Variants in C5orf34 observed in about 807,000 individuals in gnomAD.
The protein encoded by C5orf34 is uncharacterized protein C5orf34.
C5orf34 carries 73 observed loss-of-function variants against 78.4 expected under a neutral mutation model. The ratio of observed to expected loss-of-function variants is 0.93; its 90% confidence interval spans 0.77 to 1.13. C5orf34 has a LOEUF of 1.13. Ranked by LOEUF, C5orf34 falls within the 50% of genes most tolerant of loss-of-function variation. The probability of loss-of-function intolerance (pLI) is 0.00; values close to 1 mark genes in which losing one functional copy is unlikely to be tolerated. For missense variants in C5orf34, 730 were observed against 732.7 expected, an observed-to-expected ratio of 1.00 and a Z score of 0.04; for synonymous variants, 251 against 246.6, an observed-to-expected ratio of 1.02 and a Z score of -0.17.
chr5:43,510,568 G>C (rs2112335752), intron 1 of C5orf34, among the ~76,000 whole-genome samples: 2 of 152,354 alleles, frequency 1.3e-5, no homozygotes, highest in Admixed American at 1.3e-4. Flanking sequence ...AGCCTGCCCA[G>C]TGCCTGTGAT....
In C5orf34 at chr5:43,508,660, G is replaced by T. The variant is rs752361897; in HGVS notation, c.202C>A (p.Leu68Ile). ...HFVISTYREQ[L>I]QRALDFRNSS... The stretch of plus-strand genomic sequence containing the variant: ...TTTCGAAAATCTAGGGCTCGCTGTA[G>T]TTGCTCCTATGAAAAGAAATATAAA... The change falls in exon 3 of 13, where the codon CTA (leucine) becomes ATA (isoleucine). Residue 68 changes from leucine (L) to isoleucine (I), a missense_variant. Coordinates refer to ENST00000306862, the MANE Select transcript of C5orf34 (RefSeq NM_198566.4). 1 of 1,586,922 alleles carries T rather than the reference G, an allele frequency of 6.3e-7. No homozygotes were observed.
At chr5:43,493,774 A>C (rs957236072) in intron 7 of C5orf34, among the ~76,000 whole-genome samples, 162 bp from the exon 8 acceptor site, 3 of 152,158 alleles carry the variant, frequency 2.0e-5, no homozygotes, top group African/African-American at 7.2e-5. Flanking sequence ...AGCCCCTAGA[A>C]GGGAAATACT....
chr5:43,503,522 C>T (rs1315332557), intron 5 of C5orf34, 143 bp downstream of exon 5: 2 of 719,346 alleles, frequency 2.8e-6, no homozygotes, highest in Non-Finnish European at 5.0e-6. Context: ...ACCTGTAAAA[C>T]TCAGGATCAA....
Position 43,494,519 on chromosome 5 carries a change from T to C in C5orf34, c.1235A>G (p.Gln412Arg), listed in dbSNP as rs781547965. ...SPFTVGSLIK[Q>R]ATRILQHCVK... ...AATGGGAAGAACTTACCTTGTTGCCTGTTTAATTAGAGAACCGACAGTGAA... is the reference window on the plus strand; with the variant it reads ...AATGGGAAGAACTTACCTTGTTGCCCGTTTAATTAGAGAACCGACAGTGAA... The change falls in exon 7 of 13, where the codon CAG becomes CGG. Residue 412 changes from glutamine to arginine, a missense_variant. Gln to Arg is a conservative substitution (Grantham distance 43). Transcript: ENST00000306862. 5 of 1,601,098 alleles carry C rather than the reference T, an allele frequency of 3.1e-6. No homozygotes were observed. Among genetic ancestry groups the C allele is most frequent in the Admixed American group, 1.7e-5 (1 of 59,790 alleles).
rs746311253 is a variant in C5orf34 at position 43,487,106 on chromosome 5, G to A, written c.1726C>T (p.Leu576=). 44 of 1,502,910 alleles carry A rather than the reference G, an allele frequency of 2.9e-5. No homozygotes were observed. Among genetic ancestry groups the A allele is most frequent in the Non-Finnish European group, 3.8e-5 (43 of 1,123,942 alleles). 93.1% of individuals were successfully genotyped at this position (1,502,910 alleles called of 1,614,324 possible). The change falls in exon 13 of 13, where the codon CTA becomes TTA. Residue 576 remains leucine, a synonymous_variant. Coordinates refer to ENST00000306862, the MANE Select transcript of C5orf34 (RefSeq NM_198566.4). The part of the protein sequence containing the change: ...LEKIQKFNLL[L]ENSGILNQIS... The stretch of plus-strand genomic sequence containing the variant: ...TGGTTTAGGATACCACTATTTTCTA[G>A]TAGCACTAAGTTGCTTAGTTAAGGA...
chr5:43,510,835 A>C (rs896523173), intron 1 of C5orf34, among the ~76,000 whole-genome samples: 2 of 151,594 alleles, frequency 1.3e-5, no homozygotes, highest in South Asian at 2.1e-4. Context: ...CCAAAGTGCC[A>C]AGATTGCAGC....
chr5:43,507,844 T>A (rs1192186831), intron 3 of C5orf34, among the ~76,000 whole-genome samples: 1 of 151,998 alleles, frequency 6.6e-6, no homozygotes, highest in Non-Finnish European at 1.5e-5. Flanking sequence ...TTTGGGAGGC[T>A]GAGGCGGGCG....
At chr5:43,505,228 T>C (rs946146885) in intron 4 of C5orf34, among the ~76,000 whole-genome samples, 2 of 152,248 alleles carry the variant, frequency 1.3e-5, no homozygotes, top group Non-Finnish European at 2.9e-5. Context: ...AGCCACTCCG[T>C]GTGTACCCCT....
intron 10 of C5orf34, among the ~76,000 whole-genome samples, chr5:43,491,726 G>A (rs927465233): frequency 3.9e-5 from 6 of 152,124 alleles, no homozygotes; most frequent in South Asian, 2.1e-4. Flanking sequence ...CCTGAAGGCC[G>A]GGCATGGTGG....
At chr5:43,492,687 T>C (rs1745331418) in intron 9 of C5orf34, 33 bp downstream of exon 9, 1 of 1,555,178 alleles carries the variant, frequency 6.4e-7, no homozygotes. Flanking sequence ...AGATTACCAA[T>C]AAAAAATAGA....
Position 43,492,727 on chromosome 5 carries a change from T to A in C5orf34, c.1478A>T (p.Lys493Met). The A allele has an allele frequency of 6.2e-7, 1 of 1,611,674 alleles. No homozygotes were observed. Among genetic ancestry groups the A allele is most frequent in the East Asian group, 2.2e-5 (1 of 44,736 alleles). Reference sequence around the variant, plus strand: ...AGTCTGAAGTATACCCACCTGTCTCTTCTCAATAGGAGAGCTGAAATTCCA... The same window carrying A: ...AGTCTGAAGTATACCCACCTGTCTCATCTCAATAGGAGAGCTGAAATTCCA... ...LNWNFSSPIE[K>M]RQVNQGLNLG... Residue 493 changes from lysine (K) to methionine (M), a missense_variant, in exon 9 of 13, where the codon AAG becomes ATG. By Grantham distance (95) the Lys-to-Met change is moderately conservative (BLOSUM62 -1). Transcript: ENST00000306862.
In C5orf34 at chr5:43,487,000, T is replaced by C. The variant is rs774058086; in HGVS notation, c.1832A>G (p.Asn611Ser). 2 of 1,591,022 alleles carry C rather than the reference T, an allele frequency of 1.3e-6. No homozygotes were observed. Among genetic ancestry groups the C allele is most frequent in the South Asian group, 1.1e-5 (1 of 87,524 alleles). ...GSSETLLGEVNENRVSIALKK... is the reference protein window; with the variant it reads ...GSSETLLGEVSENRVSIALKK... ...CAATGCTATTGATACTCTATTTTCA[T>C]TAACTTCTCCTAGCAAGGTTTCTGA... The change falls in exon 13 of 13, where the codon AAT (asparagine) becomes AGT (serine). Residue 611 changes from asparagine to serine, a missense_variant. Coordinates refer to ENST00000306862, the MANE Select transcript of C5orf34 (RefSeq NM_198566.4).
chr5:43,491,108 T>C (rs1745262387), intron 10 of C5orf34, among the ~76,000 whole-genome samples: 1 of 152,190 alleles, frequency 6.6e-6, no homozygotes, highest in African/African-American at 2.4e-5. Flanking sequence ...GACTGAGCAT[T>C]TGCTTACTAA....
intron 10 of C5orf34, 88 bp from the exon 11 acceptor site, chr5:43,490,817 G>A: frequency 3.1e-6 from 2 of 646,596 alleles, no homozygotes; most frequent in South Asian, 2.8e-5. Context: ...AAGACAATTT[G>A]GGAAAAAAGG....
Position 43,503,699 on chromosome 5 carries a change from C to T in C5orf34, c.994G>A (p.Val332Met). 1.9e-6 allele frequency: 3 copies of T among 1,613,648 alleles called. No homozygotes were observed. Among genetic ancestry groups the T allele is most frequent in the Non-Finnish European group, 2.5e-6 (3 of 1,179,596 alleles). Residue 332 changes from valine (V) to methionine (M), a missense_variant, in exon 5 of 13, where the codon GTG (valine) becomes ATG (methionine). Transcript: ENST00000306862. ...QSDEYSYPEL[V>M]KMVWYKGVTY... The stretch of plus-strand genomic sequence containing the variant: ...ACACCTTTGTACCAAACCATTTTCA[C>T]TAGTTCAGGATAGGAATATTCATCA...
At chr5:43,495,778 C>T in intron 6 of C5orf34, 1 of 1,580,028 alleles carries the variant, frequency 6.3e-7, no homozygotes, top group Non-Finnish European at 8.7e-7. Flanking sequence ...CCTCAAGCAG[C>T]ATGGTGCCGC....
chr5:43,504,296 CA>C (rs35842237), intron 4 of C5orf34, among the ~76,000 whole-genome samples: 1,683 of 96,168 alleles, frequency 0.018, 7 homozygotes, highest in South Asian at 0.049. Context: ...GAATCCATCT[CA>C]AAAAAAAAAA....
In C5orf34 at chr5:43,494,586, A is replaced by G; in HGVS notation, c.1168T>C (p.Tyr390His). Residue 390 changes from tyrosine to histidine, a missense_variant, in exon 7 of 13, where the codon TAC becomes CAC. Tyr to His is a moderately conservative substitution (Grantham distance 83, BLOSUM62 2). Transcript: ENST00000306862. The part of the protein sequence containing the change: ...EGSGKREEKT[Y>H]SVNNLPPDRP... Reference sequence around the variant, plus strand: ...TCTGGAGGAAGGTTATTTACTGAGTAAGTTTTCTCTTCTCTCTGAAAATTA... The same window carrying G: ...TCTGGAGGAAGGTTATTTACTGAGTGAGTTTTCTCTTCTCTCTGAAAATTA... The G allele has an allele frequency of 6.3e-7, 1 of 1,596,750 alleles. No individual in the cohort carries two copies. Among genetic ancestry groups the G allele is most frequent in the Non-Finnish European group, 8.6e-7 (1 of 1,168,702 alleles).
intron 1 of C5orf34, among the ~76,000 whole-genome samples, chr5:43,510,537 CCT>C (rs1746186062): frequency 6.6e-6 from 1 of 152,260 alleles, no homozygotes; most frequent in Admixed American, 6.5e-5. Context: ...CTGCAACCTC[CCT>C]GTCTGATTCT....
Sources: allele counts gnomAD v4.1 joint callset (sites outside exome capture counted in the v4.1 genomes callset), GRCh38; gene constraint gnomAD v4.1.1; transcripts MANE v1.5; gene names NCBI Gene and HGNC (gene_info 2026-07-23, HGNC 2026-07-21).